Variants in RHBDD1 observed in about 807,000 individuals in gnomAD.
RHBDD1 encodes the protein rhomboid domain containing 1.
A neutral mutation model predicts 36.3 loss-of-function variants in RHBDD1; 38 were observed. The ratio of observed to expected loss-of-function variants is 1.05; its 90% CI spans 0.81 to 1.37. The LOEUF (loss-of-function observed/expected upper bound fraction) is 1.37, where lower values mean the gene tolerates loss of function less well. Ranked by LOEUF, RHBDD1 falls within the 40% of genes most tolerant of loss-of-function variation. RHBDD1 has a pLI of 0.00. For missense variants in RHBDD1, 393 were observed against 377.6 expected (o/e 1.04, Z -0.34); for synonymous variants, 151 against 136.5 (o/e 1.11, Z -0.74).
At chr2:226,922,482 C>G (rs1210459861) in intron 8 of RHBDD1, among the ~76,000 whole-genome samples, 1 of 152,142 alleles carries the variant, frequency 6.6e-6, no homozygotes, top group Non-Finnish European at 1.5e-5. Flanking sequence ...GCTGGGATTA[C>G]AGGTGAGAGC....
chr2:226,958,321 T>C (rs183984995), intron 8 of RHBDD1, among the ~76,000 whole-genome samples: 4 of 152,240 alleles, frequency 2.6e-5, no homozygotes, highest in African/African-American at 9.6e-5. Flanking sequence ...GTGGCCATAA[T>C]AGGCAATCCA....
the RHBDD1 span, among the ~76,000 whole-genome samples, chr2:226,818,378 G>C: frequency 2.6e-3 from 393 of 150,490 alleles, no homozygotes; most frequent in African/African-American, 8.5e-3. Context: ...GTGTTAGCCA[G>C]GATGGTCTTC....
chr2:226,858,672 T>A (rs1280612606), intron 3 of RHBDD1, among the ~76,000 whole-genome samples: 1 of 152,214 alleles, frequency 6.6e-6, no homozygotes, highest in Non-Finnish European at 1.5e-5. Context: ...TACTCCTTTC[T>A]CTCCCCCTTG....
the RHBDD1 span, among the ~76,000 whole-genome samples, chr2:226,800,997 G>A: frequency 3.9e-5 from 6 of 152,216 alleles, no homozygotes; most frequent in African/African-American, 1.4e-4. Flanking sequence ...CTATAAACAA[G>A]CAGTTTGTCC....
intron 2 of RHBDD1, among the ~76,000 whole-genome samples, chr2:226,839,096 A>G (rs1339936156): frequency 6.6e-6 from 1 of 152,182 alleles, no homozygotes; most frequent in Non-Finnish European, 1.5e-5. Flanking sequence ...TTTACATTAC[A>G]TTTTTTAATA....
At chr2:226,941,274 C>A (rs148521388) in intron 8 of RHBDD1, among the ~76,000 whole-genome samples, 4 of 152,128 alleles carry the variant, frequency 2.6e-5, no homozygotes, top group Non-Finnish European at 5.9e-5. Context: ...CCTGGACTCA[C>A]ATTTTCTAGG....
chr2:226,852,927 T>C (rs1362084143), intron 3 of RHBDD1, among the ~76,000 whole-genome samples: 1 of 147,058 alleles, frequency 6.8e-6, no homozygotes, highest in African/African-American at 2.5e-5. Flanking sequence ...TTATTATTAT[T>C]ATTATTATTA....
At chr2:226,826,325 GC>G in the RHBDD1 span, among the ~76,000 whole-genome samples, 2 of 152,202 alleles carry the variant, frequency 1.3e-5, no homozygotes, top group Admixed American at 6.5e-5. Flanking sequence ...TGTTATTTCA[GC>G]TCTTCTCAGT....
chr2:226,916,582 A>T (rs1357296688), intron 8 of RHBDD1, among the ~76,000 whole-genome samples: 1 of 152,168 alleles, frequency 6.6e-6, no homozygotes, highest in East Asian at 1.9e-4. Flanking sequence ...ACACAGCATG[A>T]TAGGAAAGAT....
intron 8 of RHBDD1, among the ~76,000 whole-genome samples, chr2:226,921,432 A>T (rs1301113939): frequency 1.3e-5 from 2 of 151,744 alleles, no homozygotes; most frequent in Non-Finnish European, 2.9e-5. Context: ...TCATTATGTT[A>T]TTTGAAGTTT....
At chr2:226,892,657 C>T (rs1332758474) in intron 5 of RHBDD1, among the ~76,000 whole-genome samples, 2 of 152,160 alleles carry the variant, frequency 1.3e-5, no homozygotes, top group Non-Finnish European at 2.9e-5. Flanking sequence ...ACAGATGCCA[C>T]TTCTATGGGG....
In RHBDD1 at chr2:226,864,897, A is replaced by G. The variant is rs760976781; in HGVS notation, c.204A>G (p.Leu68=). 1 of 1,614,212 alleles carries G rather than the reference A, an allele frequency of 6.2e-7. No individual in the cohort carries two copies. Among genetic ancestry groups the G allele is most frequent in the South Asian group, 1.1e-5 (1 of 91,090 alleles). Residue 68 remains leucine, a synonymous_variant, in exon 4 of 9, where the codon TTA becomes TTG. Transcript: ENST00000392062. ...ACCAGCAAAAAGACTGGCAGCGTTT[A>G]CTGCTCTCTCCCCTTCACCATGCTG... ...KCYQQKDWQR[L]LLSPLHHADD... is the part of the protein sequence containing the mutation.
At chr2:226,882,645 C>T (rs1034842664) in intron 5 of RHBDD1, among the ~76,000 whole-genome samples, 1 of 151,772 alleles carries the variant, frequency 6.6e-6, no homozygotes, top group Admixed American at 6.6e-5. Flanking sequence ...CTAATTTTAC[C>T]TCTTATTAAT....
At chr2:226,802,463 G>A in the RHBDD1 span, among the ~76,000 whole-genome samples, 4 of 151,996 alleles carry the variant, frequency 2.6e-5, no homozygotes, top group Admixed American at 6.5e-5. Flanking sequence ...TTTATTAATG[G>A]GCTAACTGGA....
At chr2:226,815,732 G>A in the RHBDD1 span, among the ~76,000 whole-genome samples, 1 of 152,056 alleles carries the variant, frequency 6.6e-6, no homozygotes, top group African/African-American at 2.4e-5. Flanking sequence ...AATGTTATTT[G>A]AAGAGTGGCC....
the RHBDD1 span, among the ~76,000 whole-genome samples, chr2:226,828,426 T>C: frequency 6.6e-6 from 1 of 152,232 alleles, no homozygotes; most frequent in Non-Finnish European, 1.5e-5. Flanking sequence ...TTCTCTTGGG[T>C]AGATTCCTAA....
chr2:226,862,031 T>TA (rs2125196708), intron 3 of RHBDD1, among the ~76,000 whole-genome samples: 2 of 152,250 alleles, frequency 1.3e-5, no homozygotes, highest in South Asian at 4.1e-4. Context: ...TGCATACACA[T>TA]ATATATATAC....
At chr2:226,836,981 C>A (rs1168893894) in intron 1 of RHBDD1, among the ~76,000 whole-genome samples, 2 of 152,184 alleles carry the variant, frequency 1.3e-5, no homozygotes, top group Non-Finnish European at 2.9e-5. Context: ...TTGGGAACTT[C>A]TTGGAAATGC....
chr2:226,933,297 C>G (rs1950142908), intron 8 of RHBDD1, among the ~76,000 whole-genome samples: 1 of 152,118 alleles, frequency 6.6e-6, no homozygotes, highest in African/African-American at 2.4e-5. Flanking sequence ...GGAGAAGGAT[C>G]TGGGCAGCCT....
Sources: gnomAD v4.1 joint callset for allele counts (sites outside exome capture counted in the v4.1 genomes callset) on GRCh38, gnomAD v4.1.1 for gene constraint, MANE v1.5 for transcripts, NCBI Gene and HGNC (gene_info 2026-07-23, HGNC 2026-07-21) for gene names.